LGSN: variants seen among roughly 807,000 people sequenced by gnomAD.
The protein encoded by LGSN is lengsin.
A neutral mutation model predicts 19.5 loss-of-function variants in LGSN; 21 were observed. That is an observed-to-expected ratio of 1.07 (90% CI 0.76 to 1.55). The LOEUF is 1.55. Ranked by LOEUF, LGSN falls within the 40% of genes most tolerant of loss-of-function variation. LGSN has a pLI of 0.00. For missense variants in LGSN, 673 were observed against 608.5 expected (o/e 1.11, Z -1.12); for synonymous variants, 257 against 215.6 (o/e 1.19, Z -1.68).
the LGSN span, among the ~76,000 whole-genome samples, chr6:63,434,885 T>C: frequency 2.6e-5 from 4 of 152,152 alleles, no homozygotes; most frequent in South Asian, 6.2e-4. Flanking sequence ...AAACAGAAAA[T>C]ATCAAGCACC....
the LGSN span, among the ~76,000 whole-genome samples, chr6:63,522,906 C>T: frequency 6.9e-6 from 1 of 144,918 alleles, no homozygotes; most frequent in African/African-American, 2.6e-5. Flanking sequence ...ACTCTGTCAA[C>T]CAGGCTGGAG....
the LGSN span, among the ~76,000 whole-genome samples, chr6:63,509,777 T>A: frequency 6.6e-6 from 1 of 152,236 alleles, no homozygotes; most frequent in Non-Finnish European, 1.5e-5. Flanking sequence ...GCCTCTGTTT[T>A]ACAAATGCAG....
chr6:63,552,329 C>T, the LGSN span, among the ~76,000 whole-genome samples: 1 of 152,136 alleles, frequency 6.6e-6, no homozygotes, highest in Non-Finnish European at 1.5e-5. Context: ...GCATAAATGT[C>T]TTCTTTTGAG....
the LGSN span, among the ~76,000 whole-genome samples, chr6:63,355,356 T>C: frequency 6.6e-6 from 1 of 152,168 alleles, no homozygotes; most frequent in Non-Finnish European, 1.5e-5. Flanking sequence ...GTGAAGAAAA[T>C]GTACTTTGTC....
At chr6:63,386,494 T>C in the LGSN span, among the ~76,000 whole-genome samples, 1 of 152,178 alleles carries the variant, frequency 6.6e-6, no homozygotes, top group Non-Finnish European at 1.5e-5. Flanking sequence ...AACCTGTCTT[T>C]CATATTTCCA....
At chr6:63,540,297 C>T in the LGSN span, among the ~76,000 whole-genome samples, 1 of 152,052 alleles carries the variant, frequency 6.6e-6, no homozygotes, top group Non-Finnish European at 1.5e-5. Context: ...AAATCCAGTC[C>T]TTAAAATCCA....
chr6:63,513,932 A>AAAAAAAAAAAAAAAC, the LGSN span, among the ~76,000 whole-genome samples: 1 of 114,492 alleles, frequency 8.7e-6, no homozygotes. Flanking sequence ...AAAAAAAAAA[A>AAAAAAAAAAAAAAAC]AAAACACTGG....
chr6:63,434,763 G>A, the LGSN span, among the ~76,000 whole-genome samples: 1 of 152,058 alleles, frequency 6.6e-6, no homozygotes, highest in Admixed American at 6.6e-5. Flanking sequence ...GCCTCCCATT[G>A]GCCAAGCCCA....
At position 63,294,320 on chromosome 6, in the gene LGSN, G is replaced by A. The variant is rs538071491; in HGVS notation, c.163+593C>T. Among the ~76,000 whole-genome samples, 30 of 152,074 alleles carry A rather than the reference G, an allele frequency of 2.0e-4. 1 individual carries two copies. Among genetic ancestry groups the A allele is most frequent in the Admixed American group, 5.9e-4 (9 of 15,282 alleles). On this transcript the variant is annotated intron_variant, in intron 2 of 3. Transcript: ENST00000370657. ...ACTGCACTCCAGCCTGGGTGACAGAGTGAGACTCTGTCTCAAAAAAATAAA... is the reference window on the plus strand; with the variant it reads ...ACTGCACTCCAGCCTGGGTGACAGAATGAGACTCTGTCTCAAAAAAATAAA...
the LGSN span, among the ~76,000 whole-genome samples, chr6:63,440,489 A>G: frequency 2.0e-5 from 3 of 152,170 alleles, no homozygotes; most frequent in Non-Finnish European, 4.4e-5. Flanking sequence ...CTGATCGTGT[A>G]TTGAGAACCC....
chr6:63,305,549 C>T (rs990740004), intron 1 of LGSN, among the ~76,000 whole-genome samples: 2 of 152,202 alleles, frequency 1.3e-5, no homozygotes, highest in African/African-American at 4.8e-5. Flanking sequence ...AAACCATGTT[C>T]AAATAAGGGA....
chr6:63,281,309 A>G, intron 3 of LGSN, 89 bp from the exon 4 acceptor site: 2 of 163,908 alleles, frequency 1.2e-5, no homozygotes, highest in Admixed American at 1.3e-4. Flanking sequence ...ATGAAAATAT[A>G]TATATATATA....
At chr6:63,460,711 T>C in the LGSN span, among the ~76,000 whole-genome samples, 1 of 152,310 alleles carries the variant, frequency 6.6e-6, no homozygotes, top group East Asian at 1.9e-4. Flanking sequence ...ATAATCACAA[T>C]GACAATCAGG....
the LGSN span, among the ~76,000 whole-genome samples, chr6:63,525,794 A>G: frequency 9.9e-5 from 15 of 152,270 alleles, no homozygotes; most frequent in South Asian, 3.1e-3. Flanking sequence ...CAATATCTAT[A>G]TAACTAAATT....
chr6:63,298,396 T>C (rs928125755), intron 1 of LGSN, among the ~76,000 whole-genome samples: 1 of 152,330 alleles, frequency 6.6e-6, no homozygotes, highest in African/African-American at 2.4e-5. Flanking sequence ...TATATCCAGT[T>C]AGAATTCTTA....
At chr6:63,334,584 G>A in the LGSN span, among the ~76,000 whole-genome samples, 1 of 152,000 alleles carries the variant, frequency 6.6e-6, no homozygotes. Flanking sequence ...TATTAATGTC[G>A]CTTTTATAGA....
At chr6:63,324,323 A>G (rs543402457), upstream of LGSN, among the ~76,000 whole-genome samples, 1 of 152,320 alleles carries the variant, frequency 6.6e-6, no homozygotes, top group South Asian at 2.1e-4. Context: ...TTTTTTAAAG[A>G]CATATCACAT....
chr6:63,420,043 A>T, the LGSN span, among the ~76,000 whole-genome samples: 2 of 151,546 alleles, frequency 1.3e-5, no homozygotes, highest in Non-Finnish European at 2.9e-5. Context: ...TCTACTAAAA[A>T]TACAAAAAAA....
the LGSN span, among the ~76,000 whole-genome samples, chr6:63,533,880 G>A: frequency 2.0e-5 from 3 of 151,896 alleles, no homozygotes; most frequent in Non-Finnish European, 2.9e-5. Context: ...GTCTCACTCT[G>A]TCGTCCAAGC....
Sources: gnomAD v4.1 joint callset for allele counts (sites outside exome capture counted in the v4.1 genomes callset) on GRCh38, gnomAD v4.1.1 for gene constraint, MANE v1.5 for transcripts, NCBI Gene and HGNC (gene_info 2026-07-23, HGNC 2026-07-21) for gene names.